SLC35F3: variants seen among roughly 807,000 people sequenced by gnomAD.
SLC35F3 encodes the protein putative thiamine transporter SLC35F3.
SLC35F3 carries 25 observed loss-of-function variants against 49.9 expected under a neutral mutation model. The observed-to-expected ratio is 0.50, with a 90% CI of 0.37 to 0.70. The LOEUF (loss-of-function observed/expected upper bound fraction) is 0.70. SLC35F3 is among the 30% of genes least tolerant of loss of function. SLC35F3 has a pLI of 0.00. For synonymous variants in SLC35F3, 275 were observed against 265.4 expected (o/e 1.04, Z -0.35); for missense variants, 525 against 639.8 (o/e 0.82, Z 1.94).
At chr1:234,055,699 T>C (rs186521013) in intron 2 of SLC35F3, among the ~76,000 whole-genome samples, 5 of 152,236 alleles carry the variant, frequency 3.3e-5, no homozygotes, top group South Asian at 4.2e-4. Flanking sequence ...AGTACCACAG[T>C]TGGAAATGCA....
intron 2 of SLC35F3, among the ~76,000 whole-genome samples, chr1:233,915,353 G>A (rs1237708183): frequency 6.6e-6 from 1 of 152,158 alleles, no homozygotes; most frequent in Non-Finnish European, 1.5e-5. Flanking sequence ...TTCAGAAATT[G>A]AGTCAGCTCA....
At chr1:233,943,217 C>T (rs1478414066) in intron 2 of SLC35F3, among the ~76,000 whole-genome samples, 3 of 152,140 alleles carry the variant, frequency 2.0e-5, no homozygotes, top group Non-Finnish European at 4.4e-5. Context: ...GGTGATTTAC[C>T]TTATTTGGCT....
intron 2 of SLC35F3, among the ~76,000 whole-genome samples, chr1:234,216,150 G>A (rs922609225): frequency 2.6e-5 from 4 of 152,020 alleles, no homozygotes; most frequent in Admixed American, 6.5e-5. Flanking sequence ...CCACATGCAT[G>A]TGTGAATTGG....
chr1:234,276,686 A>G (rs546911753), intron 3 of SLC35F3, among the ~76,000 whole-genome samples: 76 of 152,162 alleles, frequency 5.0e-4, no homozygotes, highest in African/African-American at 1.7e-3. Flanking sequence ...TATTGCGACA[A>G]CTCTCATTCA....
intron 2 of SLC35F3, among the ~76,000 whole-genome samples, chr1:234,065,211 A>G (rs1401978735): frequency 4.6e-5 from 7 of 152,160 alleles, no homozygotes; most frequent in Admixed American, 4.6e-4. Flanking sequence ...CAGTAGCACA[A>G]TCTCGGCTTA....
At chr1:234,115,091 G>A (rs937881435) in intron 2 of SLC35F3, among the ~76,000 whole-genome samples, 3 of 152,152 alleles carry the variant, frequency 2.0e-5, no homozygotes, top group Non-Finnish European at 2.9e-5. Context: ...CCAAGGAAGC[G>A]CATTCATCTT....
At position 234,074,938 on chromosome 1, in the gene SLC35F3, G is replaced by A. The variant is rs139806306; in HGVS notation, c.284-156479G>A. Among the ~76,000 whole-genome samples, 7 of 152,308 alleles carry A rather than the reference G, an allele frequency of 4.6e-5. No individual in the cohort carries two copies. In the East Asian group the frequency reaches 1.2e-3, roughly 25 times the overall value. On this transcript the variant is annotated intron_variant, in intron 2 of 7. Transcript: ENST00000366618. ...GAAATAAGGAAAGTCAACTAAAGGC[G>A]TTGATCAAGAGCCTGAGCTTGGGCT... is the stretch of plus-strand genomic sequence containing the variant.
chr1:234,171,614 T>C (rs1238396702), intron 2 of SLC35F3, among the ~76,000 whole-genome samples: 1 of 152,102 alleles, frequency 6.6e-6, no homozygotes, highest in Non-Finnish European at 1.5e-5. Flanking sequence ...ATGATACTTA[T>C]CATCAGAGAG....
Position 234,320,534 on chromosome 1 carries a change from C to T in SLC35F3, c.1237+347C>T, listed in dbSNP as rs376990655. Among the ~76,000 whole-genome samples, 2 of 152,056 alleles carry T rather than the reference C, an allele frequency of 1.3e-5. No homozygotes were observed. The highest frequency in any genetic ancestry group is 2.9e-5 in the Non-Finnish European group (2 of 68,018). ...TCTTGATTCTAACTGGTATGGGGAGCAGAATGAATCTCATCAGCATTATTA... is the reference window on the plus strand; with the variant it reads ...TCTTGATTCTAACTGGTATGGGGAGTAGAATGAATCTCATCAGCATTATTA... On this transcript the variant is annotated intron_variant, in intron 7 of 7. Coordinates refer to ENST00000366618, the MANE Select transcript of SLC35F3 (RefSeq NM_173508.4). This position sits in a 1 kb window ranked among gnomAD's most constrained non-coding sequence, Gnocchi z 4.8.
chr1:234,021,372 G>C (rs141584012), intron 2 of SLC35F3, among the ~76,000 whole-genome samples: 1 of 152,264 alleles, frequency 6.6e-6, no homozygotes, highest in Non-Finnish European at 1.5e-5. Context: ...TCAGAAACCC[G>C]AAGACCCCAA....
At chr1:233,995,053 G>A (rs1045481201) in intron 2 of SLC35F3, among the ~76,000 whole-genome samples, 5 of 152,196 alleles carry the variant, frequency 3.3e-5, no homozygotes, top group African/African-American at 1.2e-4. Context: ...GTCATTAGGA[G>A]GATTAGACAT....
At chr1:234,227,625 C>G (rs1667307992) in intron 2 of SLC35F3, among the ~76,000 whole-genome samples, 1 of 152,060 alleles carries the variant, frequency 6.6e-6, no homozygotes, top group Non-Finnish European at 1.5e-5. Flanking sequence ...GTCTCGATCT[C>G]CTGACCTCGT....
intron 3 of SLC35F3, among the ~76,000 whole-genome samples, chr1:234,267,049 G>A (rs1251615992): frequency 1.4e-5 from 2 of 141,284 alleles, no homozygotes; most frequent in African/African-American, 5.4e-5. Flanking sequence ...TTGTGTCCCT[G>A]GGTACTTAAG....
chr1:234,322,781 CAT>C (rs546704775), intron 7 of SLC35F3, among the ~76,000 whole-genome samples: 60 of 152,096 alleles, frequency 3.9e-4, no homozygotes, highest in African/African-American at 1.4e-3. Flanking sequence ...TGGGAGGTGA[CAT>C]ACAAGTGCAA....
chr1:234,142,867 G>C (rs570539086), intron 2 of SLC35F3, among the ~76,000 whole-genome samples: 116 of 152,282 alleles, frequency 7.6e-4, no homozygotes, highest in African/African-American at 2.6e-3. Context: ...GAGTTATATA[G>C]TCAGTATGGG....
chr1:234,124,894 T>C (rs1018034630), intron 2 of SLC35F3, among the ~76,000 whole-genome samples: 1 of 152,160 alleles, frequency 6.6e-6, no homozygotes, highest in African/African-American at 2.4e-5. Context: ...ATTCTGGTGA[T>C]GGAGACTCTG....
chr1:233,906,155 G>A (rs1661773416), intron 2 of SLC35F3, among the ~76,000 whole-genome samples: 1 of 152,228 alleles, frequency 6.6e-6, no homozygotes, highest in African/African-American at 2.4e-5. Flanking sequence ...CTCAGATGGA[G>A]ATGCTGACTT....
chr1:234,031,008 T>G (rs571169001), intron 2 of SLC35F3, among the ~76,000 whole-genome samples: 2 of 152,322 alleles, frequency 1.3e-5, no homozygotes, highest in Admixed American at 6.5e-5. Flanking sequence ...TTTCTCAGCC[T>G]GTTACCATCA....
intron 2 of SLC35F3, among the ~76,000 whole-genome samples, chr1:234,211,517 T>C (rs568053640): frequency 6.6e-6 from 1 of 152,298 alleles, no homozygotes; most frequent in South Asian, 2.1e-4. Context: ...CTTACATTGG[T>C]GTGACCCAGA....
Sources: gnomAD v4.1 joint callset for allele counts (sites outside exome capture counted in the v4.1 genomes callset) on GRCh38, gnomAD v4.1.1 for gene constraint, Gnocchi (gnomAD v3.1) non-coding constraint, MANE v1.5 for transcripts, NCBI Gene and HGNC (gene_info 2026-07-23, HGNC 2026-07-21) for gene names.